The following NFX1 variants were observed in gnomAD, a reference collection of about 807,000 sequenced individuals.
NFX1 encodes the protein nuclear transcription factor, X-box binding 1, also known as transcriptional repressor NF-X1.
In NFX1, 69 loss-of-function variants were observed where a neutral mutation model predicts 137.2. The ratio of observed to expected loss-of-function variants is 0.50; its 90% confidence interval spans 0.41 to 0.61. The LOEUF (loss-of-function observed/expected upper bound fraction) is 0.61, where lower values mean the gene tolerates loss of function less well. Among genes scored for constraint, NFX1 ranks in the 20% least tolerant of loss-of-function variants. The pLI is 0.00. For missense variants in NFX1, 1,167 were observed against 1,391.0 expected (o/e 0.84, Z 2.56); for synonymous variants, 495 against 474.1 (o/e 1.04, Z -0.57).
intron 15 of NFX1, 23 bp downstream of exon 15, chr9:33,347,140 T>C: frequency 6.4e-7 from 1 of 1,564,482 alleles, no homozygotes. Context: ...TCTCAAGTGC[T>C]CATTGTTCCA....
Position 33,354,590 on chromosome 9 carries a change from G to A in NFX1, c.2832-261G>A, listed in dbSNP as rs145766809. On this transcript the variant is annotated intron_variant, in intron 18 of 23. Coordinates refer to ENST00000379540, the MANE Select transcript of NFX1 (RefSeq NM_002504.6). ...GACTCCTAGACCCCATAACAGAGAG[G>A]CCATCATCCCACCTGTCCTTCAGAG... 6.2e-3 allele frequency among the ~76,000 whole-genome samples: 941 copies of A among 152,292 alleles called. 10 individuals are homozygous for A. The highest frequency in any genetic ancestry group is 0.02 in the Middle Eastern group (6 of 294).
At chr9:33,357,281 G>A (rs571897563) in intron 19 of NFX1, among the ~76,000 whole-genome samples, 13 of 152,110 alleles carry the variant, frequency 8.5e-5, no homozygotes, top group South Asian at 8.3e-4. Context: ...TAGCCTGGGC[G>A]ACAGTGGGAG....
chr9:33,320,758 T>G (rs912801337), intron 9 of NFX1, among the ~76,000 whole-genome samples: 17 of 152,212 alleles, frequency 1.1e-4, no homozygotes, highest in African/African-American at 2.9e-4. Context: ...CAACTGAGAT[T>G]GAATAGGAAA....
chr9:33,369,929 A>G lies in NFX1; in HGVS notation c.3314A>G (p.Gln1105Arg). Reference sequence around the variant, plus strand: ...AGGAATCCTGGGAGCAGTAATTTACAGAAAATAACCAAGGAGCCAATAATT... The same window carrying G: ...AGGAATCCTGGGAGCAGTAATTTACGGAAAATAACCAAGGAGCCAATAATT... ...SDKNPGSSNL[Q>R]KITKEPIIDY... The change falls in exon 24 of 24, where the codon CAG (glutamine) becomes CGG (arginine). Residue 1105 changes from glutamine (Q) to arginine (R), a missense_variant. Around this residue, in one of 3 missense-constraint regions of NFX1, gnomAD observed 312 missense variants for 312.8 expected, o/e 1.00. Coordinates refer to ENST00000379540, the MANE Select transcript of NFX1 (RefSeq NM_002504.6). 6.2e-7 allele frequency: 1 copy of G among 1,613,726 alleles called. No homozygotes were observed. Among genetic ancestry groups the G allele is most frequent in the South Asian group, 1.1e-5 (1 of 91,042 alleles).
chr9:33,311,697 C>T (rs568695289), intron 6 of NFX1, among the ~76,000 whole-genome samples: 5 of 152,174 alleles, frequency 3.3e-5, no homozygotes, highest in Admixed American at 6.5e-5. Flanking sequence ...GGATTACAGG[C>T]GCCTGCCACC....
At chr9:33,333,166 G>A (rs963149625) in intron 11 of NFX1, among the ~76,000 whole-genome samples, 10 of 152,020 alleles carry the variant, frequency 6.6e-5, no homozygotes, top group Non-Finnish European at 1.5e-4. Flanking sequence ...TTTTATAACC[G>A]ACACATACTG....
chr9:33,316,457 A>G (rs1399220015), intron 7 of NFX1, among the ~76,000 whole-genome samples: 2 of 151,920 alleles, frequency 1.3e-5, no homozygotes, highest in Admixed American at 1.3e-4. Context: ...TTGGGCTTTT[A>G]CTCAGCTAAA....
At chr9:33,290,757 G>A (rs1821127699) in intron 1 of NFX1, among the ~76,000 whole-genome samples, 160 bp downstream of exon 1, 1 of 152,272 alleles carries the variant, frequency 6.6e-6, no homozygotes, top group Non-Finnish European at 1.5e-5. Flanking sequence ...TCGTGCGTAC[G>A]AAGATCTGTG....
chr9:33,320,361 A>G (rs16919176), intron 9 of NFX1, among the ~76,000 whole-genome samples: 3,696 of 152,302 alleles, frequency 0.024, 65 homozygotes, highest in Non-Finnish European at 0.035. Flanking sequence ...CATCATTTTT[A>G]TGAACTCCAG....
intron 16 of NFX1, 127 bp downstream of exon 16, chr9:33,351,917 A>T: frequency 1.2e-6 from 1 of 829,758 alleles, no homozygotes. Flanking sequence ...AATAACCACA[A>T]GTTAGAGAAA....
chr9:33,308,770 A>T (rs749996370), intron 5 of NFX1, among the ~76,000 whole-genome samples: 9 of 152,138 alleles, frequency 5.9e-5, no homozygotes, highest in African/African-American at 2.2e-4. Context: ...GACAATTCTT[A>T]CTTTTACTAC....
intron 19 of NFX1, among the ~76,000 whole-genome samples, chr9:33,361,864 C>A (rs1436728315): frequency 6.6e-6 from 1 of 151,452 alleles, no homozygotes; most frequent in East Asian, 1.9e-4. Flanking sequence ...CGGCTCATCC[C>A]CATAATCCCA....
intron 3 of NFX1, among the ~76,000 whole-genome samples, chr9:33,302,241 T>G (rs1245559202): frequency 6.6e-6 from 1 of 152,198 alleles, no homozygotes; most frequent in African/African-American, 2.4e-5. Flanking sequence ...TATTTATCAT[T>G]TCTTTGTGTT....
In NFX1 at chr9:33,347,089, C is replaced by T; in HGVS notation, c.2396C>T (p.Thr799Ile). The change falls in exon 15 of 24, where the codon ACT (threonine) becomes ATT (isoleucine). Residue 799 changes from threonine to isoleucine, a missense_variant. This residue lies in a region of NFX1 where 488 missense variants were observed against 691.5 expected (regional missense o/e 0.71). Coordinates refer to ENST00000379540, the MANE Select transcript of NFX1 (RefSeq NM_002504.6). Reference protein sequence around the residue: ...EEKCPPCTFLTQKWCMGKHEF... With the variant: ...EEKCPPCTFLIQKWCMGKHEF... Reference sequence around the variant, plus strand: ...AAGTGTCCCCCTTGCACTTTCCTAACTCAGAAGTGGTGCATGGGCAAGCAT... The same window carrying T: ...AAGTGTCCCCCTTGCACTTTCCTAATTCAGAAGTGGTGCATGGGCAAGCAT... 6.2e-7 allele frequency: 1 copy of T among 1,613,536 alleles called. No individual in the cohort carries two copies. Among genetic ancestry groups the T allele is most frequent in the Non-Finnish European group, 8.5e-7 (1 of 1,179,498 alleles).
intron 15 of NFX1, chr9:33,347,728 C>T (rs781373695): frequency 8.9e-5 from 38 of 428,108 alleles, no homozygotes; most frequent in Admixed American, 4.8e-4. Flanking sequence ...TACCTGCACA[C>T]GCATGTTTAT....
chr9:33,331,825 C>G (rs1822818565), intron 10 of NFX1, among the ~76,000 whole-genome samples: 2 of 152,080 alleles, frequency 1.3e-5, no homozygotes, highest in African/African-American at 4.8e-5. Flanking sequence ...GGCAGCTAGC[C>G]AGACTCATTC....
At position 33,302,136 on chromosome 9, in the gene NFX1, A is replaced by G. The variant is rs985154867; in HGVS notation, c.1192+715A>G. Among the ~76,000 whole-genome samples the G allele has an allele frequency of 2.6e-5, 4 of 152,102 alleles. No individual in the cohort carries two copies. In the East Asian group the frequency reaches 7.7e-4, roughly 29 times the overall value. The stretch of plus-strand genomic sequence containing the variant: ...TTACTATGCATACGTAATAGTTTAC[A>G]TGTTTATGGGGTACACATGATATTT... On this transcript the variant is annotated intron_variant, in intron 3 of 23. Coordinates refer to ENST00000379540, the MANE Select transcript of NFX1 (RefSeq NM_002504.6).
chr9:33,347,915 G>A (rs980660815), intron 15 of NFX1: 2 of 156,842 alleles, frequency 1.3e-5, no homozygotes, highest in African/African-American at 2.4e-5. Context: ...TCTAAGTGAA[G>A]TAACTCAGGA....
chr9:33,348,810 G>T, intron 15 of NFX1: 1 of 983,134 alleles, frequency 1.0e-6, no homozygotes, highest in Non-Finnish European at 1.2e-6. Context: ...TAAACCACCA[G>T]ACGTGGTACA....
Sources: allele counts gnomAD v4.1 joint callset (sites outside exome capture counted in the v4.1 genomes callset), GRCh38; gene constraint gnomAD v4.1.1; regional missense constraint gnomAD v4.1.1; transcripts MANE v1.5; gene names NCBI Gene and HGNC (gene_info 2026-07-23, HGNC 2026-07-21).